Variants in GRM7 observed in about 807,000 individuals in gnomAD.
GRM7 encodes the protein metabotropic glutamate receptor 7.
A neutral mutation model predicts 84.5 loss-of-function variants in GRM7; 35 were observed. That is an observed-to-expected ratio of 0.41 (90% CI 0.32 to 0.55). The LOEUF is 0.55. Ranked by LOEUF, GRM7 falls within the 20% of genes least tolerant of loss-of-function variation. The pLI is 0.19. For synonymous variants in GRM7, 487 were observed against 455.1 expected (o/e 1.07, Z -0.89); for missense variants, 1,003 against 1,194.6 (o/e 0.84, Z 2.36).
intron 1 of GRM7, chr3:6,892,935 A>C (rs1696024595): frequency 6.6e-6 from 1 of 152,126 alleles, no homozygotes; most frequent in Non-Finnish European, 1.5e-5. Context: ...TGGCCCAGGG[A>C]TGAAGTTGAG....
chr3:7,354,952 G>A (rs1190526123), intron 4 of GRM7, among the ~76,000 whole-genome samples: 9 of 152,134 alleles, frequency 5.9e-5, no homozygotes, highest in East Asian at 3.9e-4. Flanking sequence ...TCTAGTTTGC[G>A]GGGATCTTGA....
chr3:7,070,232 A>G (rs1214082050), intron 1 of GRM7, among the ~76,000 whole-genome samples: 10 of 152,108 alleles, frequency 6.6e-5, no homozygotes. Context: ...TCCAAAGTGT[A>G]TTTTATTTAG....
At chr3:7,351,338 C>CT (rs1559258100) in intron 4 of GRM7, among the ~76,000 whole-genome samples, 1 of 41,394 alleles carries the variant, frequency 2.4e-5, no homozygotes, top group South Asian at 9.8e-4. Flanking sequence ...TTCCCACAGG[C>CT]GAAAAAAAAA....
chr3:7,380,422 C>T (rs968156483), intron 4 of GRM7, among the ~76,000 whole-genome samples: 1 of 152,068 alleles, frequency 6.6e-6, no homozygotes, highest in Admixed American at 6.5e-5. Context: ...ATTGTGTCAC[C>T]ACAATATTTC....
intron 5 of GRM7, among the ~76,000 whole-genome samples, chr3:7,424,223 G>A (rs527276732): frequency 3.3e-5 from 5 of 152,058 alleles, no homozygotes; most frequent in South Asian, 2.1e-4. Flanking sequence ...GCGCTCAACC[G>A]GTTTAGGTGC....
At chr3:7,697,403 C>G (rs1575645610) in intron 9 of GRM7, among the ~76,000 whole-genome samples, 1 of 152,068 alleles carries the variant, frequency 6.6e-6, no homozygotes, top group South Asian at 2.1e-4. Context: ...CTCAGAGAGG[C>G]TAAGAAAATG....
chr3:7,734,419 A>C (rs1014721005), intron 9 of GRM7, among the ~76,000 whole-genome samples: 8 of 152,216 alleles, frequency 5.3e-5, no homozygotes, highest in African/African-American at 1.9e-4. Flanking sequence ...GTAAATGTTA[A>C]AGTGAACAGC....
intron 4 of GRM7, among the ~76,000 whole-genome samples, chr3:7,374,632 C>A (rs2125121634): frequency 6.7e-6 from 1 of 149,138 alleles, no homozygotes; most frequent in African/African-American, 2.5e-5. Flanking sequence ...GTGCCCGCCA[C>A]CATACCTGGC....
intron 2 of GRM7, among the ~76,000 whole-genome samples, chr3:7,285,313 G>A (rs1699391584): frequency 6.6e-6 from 1 of 152,094 alleles, no homozygotes; most frequent in Admixed American, 6.6e-5. Context: ...ATGGCTTTTA[G>A]TTATTTCTTT....
intron 4 of GRM7, among the ~76,000 whole-genome samples, chr3:7,400,055 A>G (rs1359474736): frequency 2.6e-5 from 4 of 152,196 alleles, no homozygotes; most frequent in South Asian, 4.1e-4. Flanking sequence ...AAGGCTCAAT[A>G]TTTGCAACAT....
intron 7 of GRM7, among the ~76,000 whole-genome samples, chr3:7,562,990 C>G (rs1466058268): frequency 6.6e-6 from 1 of 152,082 alleles, no homozygotes; most frequent in Non-Finnish European, 1.5e-5. Context: ...AGATTCAAAA[C>G]TTATAAAAAT....
At chr3:7,610,547 C>T (rs958863041) in intron 8 of GRM7, among the ~76,000 whole-genome samples, 2 of 152,056 alleles carry the variant, frequency 1.3e-5, no homozygotes, top group East Asian at 3.9e-4. Context: ...TAGAATTTAA[C>T]AATTTTGGAG....
chr3:7,479,424 G>A (rs897363496), intron 7 of GRM7, among the ~76,000 whole-genome samples: 3 of 151,956 alleles, frequency 2.0e-5, no homozygotes, highest in East Asian at 1.9e-4. Context: ...AGTGCGCCAC[G>A]TTAGCACGTA....
chr3:7,164,644 T>C (rs1292208009), intron 2 of GRM7, among the ~76,000 whole-genome samples: 1 of 152,186 alleles, frequency 6.6e-6, no homozygotes, highest in East Asian at 1.9e-4. Context: ...AATCAGACAA[T>C]ATTTTCTGGT....
At chr3:7,040,678 C>G (rs747673378) in intron 1 of GRM7, among the ~76,000 whole-genome samples, 1 of 152,042 alleles carries the variant, frequency 6.6e-6, no homozygotes, top group African/African-American at 2.4e-5. Context: ...TCCTTTGCTA[C>G]TTATAGGTGT....
intron 2 of GRM7, among the ~76,000 whole-genome samples, chr3:7,149,312 G>A (rs959144158): frequency 2.0e-5 from 3 of 152,092 alleles, no homozygotes; most frequent in Non-Finnish European, 4.4e-5. Flanking sequence ...CTCATAAGGC[G>A]CGCATCTTGC....
At chr3:7,032,916 C>T (rs1335066897) in intron 1 of GRM7, among the ~76,000 whole-genome samples, 1 of 152,138 alleles carries the variant, frequency 6.6e-6, no homozygotes, top group Non-Finnish European at 1.5e-5. Context: ...AACTTACCCC[C>T]TTCTATGGTT....
chr3:7,640,275 A>G (rs1698306462), intron 8 of GRM7, among the ~76,000 whole-genome samples: 1 of 152,226 alleles, frequency 6.6e-6, no homozygotes, highest in Admixed American at 6.5e-5. Flanking sequence ...GTAAAACTAC[A>G]TGCCACTGGG....
intron 1 of GRM7, among the ~76,000 whole-genome samples, chr3:7,131,867 T>C (rs775863906): frequency 2.0e-5 from 3 of 152,190 alleles, no homozygotes; most frequent in Non-Finnish European, 2.9e-5. Flanking sequence ...GGATCAATTT[T>C]GTTTATTTTA....
Sources: gnomAD v4.1 joint callset for allele counts (sites outside exome capture counted in the v4.1 genomes callset) on GRCh38, gnomAD v4.1.1 for gene constraint, MANE v1.5 for transcripts, NCBI Gene and HGNC (gene_info 2026-07-23, HGNC 2026-07-21) for gene names.